Variants in GALNT13 observed in about 807,000 individuals in gnomAD.
GALNT13 encodes the protein UDP-GalNAc:polypeptide N-acetylgalactosaminyltransferase 13.
GALNT13 carries 28 observed loss-of-function variants against 64.2 expected under a neutral mutation model. The observed-to-expected ratio is 0.44, with a 90% confidence interval of 0.32 to 0.60. The LOEUF (loss-of-function observed/expected upper bound fraction) is 0.60, where lower values mean the gene tolerates loss of function less well. Ranked by LOEUF, GALNT13 falls within the 20% of genes least tolerant of loss-of-function variation. The pLI is 0.05. For missense variants in GALNT13, 577 were observed against 669.8 expected (o/e 0.86, Z 1.53); for synonymous variants, 214 against 224.6 (o/e 0.95, Z 0.42).
At chr2:153,677,098 A>T in the GALNT13 span, among the ~76,000 whole-genome samples, 1 of 151,998 alleles carries the variant, frequency 6.6e-6, no homozygotes, top group Non-Finnish European at 1.5e-5. Context: ...TCTCTCTTCA[A>T]AGACAATATA....
At chr2:153,452,004 A>C in the GALNT13 span, among the ~76,000 whole-genome samples, 2 of 152,216 alleles carry the variant, frequency 1.3e-5, no homozygotes, top group East Asian at 1.9e-4. Flanking sequence ...TTGCATTGGC[A>C]AGCATCTGAA....
At chr2:153,304,696 A>C in the GALNT13 span, among the ~76,000 whole-genome samples, 1 of 152,168 alleles carries the variant, frequency 6.6e-6, no homozygotes, top group Non-Finnish European at 1.5e-5. Flanking sequence ...GTTTTCTAGG[A>C]ATTCACTCAT....
the GALNT13 span, among the ~76,000 whole-genome samples, chr2:153,229,337 C>T: frequency 6.6e-6 from 1 of 152,164 alleles, no homozygotes; most frequent in African/African-American, 2.4e-5. Flanking sequence ...GAGTTGCTTC[C>T]TTACCCTCTG....
chr2:153,956,792 A>ACC (rs1692597372), intron 3 of GALNT13, among the ~76,000 whole-genome samples: 1 of 150,906 alleles, frequency 6.6e-6, no homozygotes, highest in African/African-American at 2.4e-5. Flanking sequence ...ATCCTAGCCC[A>ACC]CCAGACACTG....
Position 154,245,927 on chromosome 2 carries a change from C to G in GALNT13, c.802C>G (p.Pro268Ala), listed in dbSNP as rs759092572. 1.9e-6 allele frequency: 3 copies of G among 1,613,272 alleles called. No individual in the cohort carries two copies. The highest frequency in any genetic ancestry group is 2.5e-6 in the Non-Finnish European group (3 of 1,179,472). The change falls in exon 7 of 13, where the codon CCT (proline) becomes GCT (alanine). Residue 268 changes from proline (P) to alanine (A), a missense_variant. Pro to Ala is a conservative substitution (Grantham distance 27, BLOSUM62 -1). Around this residue, in one of 3 missense-constraint regions of GALNT13, gnomAD observed 341 missense variants for 379.3 expected, o/e 0.90. Transcript: ENST00000392825. The part of the protein sequence containing the change: ...FNWKLNFRWY[P>A]VPQREMDRRK... ...CTGGAAACTGAATTTCCGCTGGTAT[C>G]CTGTTCCCCAAAGAGAAATGGACAG...
chr2:153,393,891 C>A, the GALNT13 span, among the ~76,000 whole-genome samples: 1 of 151,814 alleles, frequency 6.6e-6, no homozygotes, highest in African/African-American at 2.4e-5. Flanking sequence ...TTACCACCCT[C>A]TATAATCATG....
chr2:154,319,262 C>T (rs1338737089), intron 9 of GALNT13, among the ~76,000 whole-genome samples: 5 of 152,098 alleles, frequency 3.3e-5, no homozygotes, highest in Non-Finnish European at 7.4e-5. Flanking sequence ...CATTTAAAAG[C>T]ATAGGGAAAA....
chr2:153,183,338 ATTTG>A, the GALNT13 span, among the ~76,000 whole-genome samples: 1 of 151,976 alleles, frequency 6.6e-6, no homozygotes, highest in Non-Finnish European at 1.5e-5. Flanking sequence ...TTTCTCATAA[ATTTG>A]TTTAAGTTCT....
At chr2:154,314,903 C>G (rs1257060607) in intron 9 of GALNT13, among the ~76,000 whole-genome samples, 1 of 152,168 alleles carries the variant, frequency 6.6e-6, no homozygotes, top group African/African-American at 2.4e-5. Flanking sequence ...TTGAAACACA[C>G]TCTTCTTTGC....
At chr2:153,298,471 T>C in the GALNT13 span, among the ~76,000 whole-genome samples, 1,661 of 152,296 alleles carry the variant, frequency 0.011, 22 homozygotes, top group Non-Finnish European at 0.014. Context: ...GCAAATACTA[T>C]AAGAGTGGTG....
chr2:153,150,349 G>A, the GALNT13 span, among the ~76,000 whole-genome samples: 1 of 151,868 alleles, frequency 6.6e-6, no homozygotes, highest in South Asian at 2.1e-4. Flanking sequence ...ATTTGTTGGA[G>A]TTCATTGTAG....
the GALNT13 span, among the ~76,000 whole-genome samples, chr2:153,374,515 T>C: frequency 6.6e-6 from 1 of 152,168 alleles, no homozygotes; most frequent in Non-Finnish European, 1.5e-5. Context: ...ATACTCAATC[T>C]GATGTTTTAC....
At chr2:153,713,500 TTG>T in the GALNT13 span, among the ~76,000 whole-genome samples, 1 of 152,278 alleles carries the variant, frequency 6.6e-6, no homozygotes, top group East Asian at 1.9e-4. Context: ...TGTCTTTTTT[TTG>T]TGTGTTGGAG....
chr2:153,347,217 G>A, the GALNT13 span, among the ~76,000 whole-genome samples: 341 of 152,306 alleles, frequency 2.2e-3, no homozygotes, highest in African/African-American at 7.0e-3. Flanking sequence ...TTCTCCAGGG[G>A]CAGAAGATAG....
intron 9 of GALNT13, among the ~76,000 whole-genome samples, chr2:154,343,743 A>G (rs568316327): frequency 5.9e-5 from 9 of 152,098 alleles, no homozygotes; most frequent in Non-Finnish European, 1.2e-4. Context: ...ATCCCTAACT[A>G]CTGATATAAT....
intron 8 of GALNT13, chr2:154,287,177 C>A: frequency 6.8e-7 from 1 of 1,479,648 alleles, no homozygotes; most frequent in Non-Finnish European, 9.3e-7. Context: ...ACAATTGGCT[C>A]AGCAGGAAGC....
chr2:153,323,199 A>G, the GALNT13 span, among the ~76,000 whole-genome samples: 6 of 152,130 alleles, frequency 3.9e-5, no homozygotes, highest in Admixed American at 3.9e-4. Flanking sequence ...TCTAACTGGC[A>G]TGAGATGATA....
intron 4 of GALNT13, among the ~76,000 whole-genome samples, chr2:154,171,735 G>T (rs1218710457): frequency 6.6e-6 from 1 of 152,060 alleles, no homozygotes; most frequent in Non-Finnish European, 1.5e-5. Flanking sequence ...CAGCTTCACA[G>T]CTTGTTTTAT....
the GALNT13 span, among the ~76,000 whole-genome samples, chr2:153,283,283 C>T: frequency 6.6e-6 from 1 of 152,206 alleles, no homozygotes; most frequent in Non-Finnish European, 1.5e-5. Context: ...GAAATCTCCT[C>T]TGCCCAAGCT....
Sources: gnomAD v4.1 joint callset for allele counts (sites outside exome capture counted in the v4.1 genomes callset) on GRCh38, gnomAD v4.1.1 for gene constraint, gnomAD v4.1.1 regional missense constraint, MANE v1.5 for transcripts, NCBI Gene and HGNC (gene_info 2026-07-23, HGNC 2026-07-21) for gene names.